The following ARSL variants were observed in gnomAD, a reference collection of about 807,000 sequenced individuals.
The protein encoded by ARSL is arylsulfatase L, also known as arylsulfatase E (chondrodysplasia punctata 1).
A neutral mutation model predicts 31.1 loss-of-function variants in ARSL; 4 were observed. The ratio of observed to expected loss-of-function variants is 0.13; its 90% confidence interval spans 0.06 to 0.29. The LOEUF is 0.29. Among genes scored for constraint, ARSL ranks in the 10% least tolerant of loss-of-function variants. The probability of loss-of-function intolerance (pLI) is 1.00; values close to 1 mark genes in which losing one functional copy is unlikely to be tolerated. For synonymous variants in ARSL, 198 were observed against 209.9 expected (o/e 0.94, Z 0.49); for missense variants, 312 against 497.8 (o/e 0.63, Z 3.55).
intron 2 of ARSL, chrX:2,959,631 C>G: frequency 5.2e-6 from 6 of 1,153,806 alleles, no homozygotes; most frequent in Non-Finnish European, 6.9e-6. Flanking sequence ...AATACAATTC[C>G]TTCTGAGGCT....
chrX:2,945,386 C>A (rs1030466835), intron 7 of ARSL, among the ~76,000 whole-genome samples: 38 of 111,709 alleles, frequency 3.4e-4, no homozygotes, highest in African/African-American at 1.1e-3. Flanking sequence ...TGCAGTGGAG[C>A]CACTAGCCAC....
intron 6 of ARSL, among the ~76,000 whole-genome samples, chrX:2,949,010 C>T (rs992294873): frequency 2.7e-5 from 3 of 110,170 alleles, no homozygotes; most frequent in African/African-American, 9.9e-5. Flanking sequence ...GCAACCTCCA[C>T]CTCCCAGGTT....
In ARSL at chrX:2,945,561, G is replaced by T. The variant is rs147990427; in HGVS notation, c.991+437C>A. On this transcript the variant is annotated intron_variant, in intron 7 of 10. Transcript: ENST00000381134. ...TCTAACACATGGGGATTAAGACGTG[G>T]ACATCTTTGGAGTCATTATTCTGTC... Among the ~76,000 whole-genome samples the T allele has an allele frequency of 2.9e-3, 321 of 111,699 alleles. 2 individuals carry two copies. The highest frequency in any genetic ancestry group is 1.0e-2 in the African/African-American group (307 of 30,778).
Position 2,958,381 on chromosome X carries a change from T to G in ARSL, c.78A>C (p.Ala26=). 8.3e-7 allele frequency: 1 copy of G among 1,211,908 alleles called. No individual in the cohort carries two copies. Among genetic ancestry groups the G allele is most frequent in the Non-Finnish European group, 1.1e-6 (1 of 895,596 alleles). ...CGGAAATGTCGCTGGAAGCTGATGG[T>G]GCCAAACTTAGCAGTACAGCGAGCA... ...PAMLAVLLSL[A]PSASSDISAS... Residue 26 remains alanine (A), a synonymous_variant, in exon 3 of 11, where the codon GCA becomes GCC. Coordinates refer to ENST00000381134, the MANE Select transcript of ARSL (RefSeq NM_000047.3).
chrX:2,959,815 G>A (rs2089579498), intron 2 of ARSL: 3 of 881,054 alleles, frequency 3.4e-6, no homozygotes, highest in African/African-American at 2.0e-5. Context: ...GAGCACGTTG[G>A]GAGGCCAAGG....
chrX:2,948,059 C>T (rs930569310), intron 6 of ARSL, among the ~76,000 whole-genome samples: 3 of 112,143 alleles, frequency 2.7e-5, no homozygotes, highest in Non-Finnish European at 3.8e-5. Flanking sequence ...GAGCGGAGGT[C>T]GCAGTGAGCC....
chrX:2,952,182 C>T (rs2089471842), intron 5 of ARSL, among the ~76,000 whole-genome samples: 1 of 111,116 alleles, frequency 9.0e-6, no homozygotes, highest in Non-Finnish European at 1.9e-5. Context: ...CTAGTAAAGA[C>T]ATTTTCATAC....
At chrX:2,962,574 C>T (rs1204371407) in intron 1 of ARSL, among the ~76,000 whole-genome samples, 1 of 111,129 alleles carries the variant, frequency 9.0e-6, no homozygotes, top group Non-Finnish European at 1.9e-5. Context: ...CGCAGGGCTG[C>T]GAAACCCCAG....
At chrX:2,951,614 CAA>C (rs1164575386) in intron 5 of ARSL, among the ~76,000 whole-genome samples, 4,908 of 28,345 alleles carry the variant, frequency 0.17, 244 homozygotes, top group African/African-American at 0.4. Flanking sequence ...CCCATCTCTA[CAA>C]AAAAAAAAAA....
rs749783927 is a variant in ARSL, at chrX:2,944,358, G to A, written c.992-1159C>T. Reference sequence around the variant, plus strand: ...AAACCCAGCTACTCCGGAGGCTGAGGCAGGAGAATTGCTTGAACCCGGGAG... The same window carrying A: ...AAACCCAGCTACTCCGGAGGCTGAGACAGGAGAATTGCTTGAACCCGGGAG... On this transcript the variant is annotated intron_variant, in intron 7 of 10. Coordinates refer to ENST00000381134, the MANE Select transcript of ARSL (RefSeq NM_000047.3). Among the ~76,000 whole-genome samples, 20 of 108,146 alleles carry A rather than the reference G, an allele frequency of 1.8e-4. No individual in the cohort carries two copies. In the East Asian group the frequency reaches 4.7e-3, roughly 25 times the overall value. The allele number at this position is 108,146 out of a possible 115,157, so 93.9% of individuals were successfully genotyped here.
Position 2,955,531 on chromosome X carries a change from C to T in ARSL, c.192G>A (p.Pro64=), listed in dbSNP as rs753323404. ...GCYGNNTMRT[P]NIDRLAEDGV... is the part of the protein sequence containing the mutation. ...CGTCCTCTGCAAGGCGGTCAATATT[C>T]GGAGTCCTATGGAGGGACAAATTAA... is the stretch of plus-strand genomic sequence containing the variant. Residue 64 remains proline, a synonymous_variant, in exon 4 of 11, where the codon CCG becomes CCA. Coordinates refer to ENST00000381134, the MANE Select transcript of ARSL (RefSeq NM_000047.3). 9 of 1,209,240 alleles carry T rather than the reference C, an allele frequency of 7.4e-6. No individual in the cohort carries two copies. The highest frequency in any genetic ancestry group is 1.7e-5 in the African/African-American group (1 of 57,203).
chrX:2,951,699 A>G (rs758519211), intron 5 of ARSL, among the ~76,000 whole-genome samples: 3 of 105,747 alleles, frequency 2.8e-5, no homozygotes, highest in African/African-American at 1.0e-4. Context: ...TGCTTGGGAG[A>G]CTAAGGTGGG....
intron 9 of ARSL, among the ~76,000 whole-genome samples, chrX:2,937,605 T>TG (rs891355463): frequency 9.1e-6 from 1 of 110,371 alleles, no homozygotes; most frequent in East Asian, 2.9e-4. Flanking sequence ...CAAGTTTTAT[T>TG]GGGGGGTCTA....
At chrX:2,959,415 C>T (rs1351546787) in intron 2 of ARSL, among the ~76,000 whole-genome samples, 2 of 111,539 alleles carry the variant, frequency 1.8e-5, no homozygotes, top group Admixed American at 1.9e-4. Flanking sequence ...TACAGCCTGC[C>T]ACTATCATTG....
chrX:2,959,911 TAAA>T (rs1444084978), intron 2 of ARSL: 1 of 231,081 alleles, frequency 4.3e-6, no homozygotes, highest in East Asian at 5.6e-5. Flanking sequence ...GGAAAAAAAA[TAAA>T]GAAGGGAAGG....
chrX:2,948,286 C>T (rs2089412417), intron 6 of ARSL, among the ~76,000 whole-genome samples: 1 of 111,764 alleles, frequency 8.9e-6, no homozygotes. Context: ...TCCCATTTCT[C>T]CTGGTCCCAC....
chrX:2,959,780 G>C, intron 2 of ARSL: 1 of 1,068,281 alleles, frequency 9.4e-7, no homozygotes, highest in Non-Finnish European at 1.2e-6. Flanking sequence ...AAGCGGTCAG[G>C]CGTGGTGGCT....
At chrX:2,965,541 G>GA (rs986510586), upstream of ARSL, among the ~76,000 whole-genome samples, 1 of 88,416 alleles carries the variant, frequency 1.1e-5, no homozygotes, top group African/African-American at 3.9e-5. Context: ...AAGATAAAAA[G>GA]AAAAAAAATA....
rs756015600 is a variant in ARSL at position 2,943,152 on chromosome X, G to A, written c.1039C>T (p.Leu347Phe). 35 of 1,209,233 alleles carry A rather than the reference G, an allele frequency of 2.9e-5. No individual in the cohort carries two copies. The East Asian group carries it at 9.2e-4, about 32-fold the overall frequency. ...CCGTGATCCGACGTAAAATAAATGA[G>A]GGTGCTGTTGCTCAAACCCTCCACG... ...LDVEGLSNST[L>F]IYFTSDHGGS... Residue 347 changes from leucine to phenylalanine, a missense_variant, in exon 8 of 11, where the codon CTC becomes TTC. By Grantham distance (22) the Leu-to-Phe change is conservative (BLOSUM62 0). Coordinates refer to ENST00000381134, the MANE Select transcript of ARSL (RefSeq NM_000047.3).
Sources: gnomAD v4.1 joint callset for allele counts (sites outside exome capture counted in the v4.1 genomes callset) on GRCh38, gnomAD v4.1.1 for gene constraint, MANE v1.5 for transcripts, NCBI Gene and HGNC (gene_info 2026-07-23, HGNC 2026-07-21) for gene names.